The following SLC25A20 variants were observed in gnomAD, a reference collection of about 807,000 sequenced individuals.
The protein encoded by SLC25A20 is solute carrier family 25 member 20.
In SLC25A20, 29 loss-of-function variants were observed where a neutral mutation model predicts 39.7. The ratio of observed to expected loss-of-function variants is 0.73; its 90% CI spans 0.54 to 1.00. The LOEUF is 1.00. SLC25A20 is among the 50% of genes least tolerant of loss of function. SLC25A20 has a pLI of 0.00. For missense variants in SLC25A20, 333 were observed against 379.9 expected (o/e 0.88, Z 1.03); for synonymous variants, 103 against 142.2 (o/e 0.72, Z 1.96).
chr3:48,877,058 TGCACTCC>T (rs1478277526), intron 4 of SLC25A20, among the ~76,000 whole-genome samples: 1 of 151,956 alleles, frequency 6.6e-6, no homozygotes. Context: ...ATCATACCAC[TGCACTCC>T]AGTCTAGGCA....
intron 1 of SLC25A20, among the ~76,000 whole-genome samples, chr3:48,897,368 T>TA (rs376693163): frequency 0.1 from 5,925 of 59,230 alleles, 125 homozygotes; most frequent in African/African-American, 0.12. Context: ...TATATATATA[T>TA]TTTTTTTTTT....
Position 48,857,734 on chromosome 3 carries a change from A to G in SLC25A20, c.882T>C (p.Leu294=). The stretch of plus-strand genomic sequence containing the variant: ...CTCACAAGTTGGGGGTGGCCCAATT[A>G]AGGAACTTCATGGCAACTTCAAAGC... ...FLGFEVAMKF[L]NWATPNL Residue 294 remains leucine (L), a synonymous_variant, in exon 9 of 9, where the codon CTT becomes CTC. Transcript: ENST00000319017. 1 of 1,613,948 alleles carries G rather than the reference A, an allele frequency of 6.2e-7. No individual in the cohort carries two copies. The highest frequency in any genetic ancestry group is 8.5e-7 in the Non-Finnish European group (1 of 1,179,978).
intron 1 of SLC25A20, among the ~76,000 whole-genome samples, chr3:48,896,283 C>T (rs902475185): frequency 3.3e-5 from 5 of 151,918 alleles, no homozygotes; most frequent in African/African-American, 1.2e-4. Context: ...GATCCTCCAG[C>T]CTCAGCCGCC....
chr3:48,881,933 G>T (rs1373541791), intron 3 of SLC25A20, among the ~76,000 whole-genome samples: 3 of 152,202 alleles, frequency 2.0e-5, no homozygotes, highest in Non-Finnish European at 4.4e-5. Context: ...AAGGATCCCA[G>T]AAATAGAGTT....
At chr3:48,872,425 C>G (rs958139135) in intron 4 of SLC25A20, among the ~76,000 whole-genome samples, 2 of 151,824 alleles carry the variant, frequency 1.3e-5, no homozygotes, top group African/African-American at 4.8e-5. Context: ...CCACCATGCC[C>G]GGCCCCCAGT....
rs769748915 is a variant in SLC25A20, at chr3:48,879,381, C to T, written c.394G>A (p.Glu132Lys). The T allele has an allele frequency of 6.2e-7, 1 of 1,613,436 alleles. No homozygotes were observed. Among genetic ancestry groups the T allele is most frequent in the Non-Finnish European group, 8.5e-7 (1 of 1,179,322 alleles). Reference protein sequence around the residue: ...VFTTGIMTPGERIKCLLQIQA... With the variant: ...VFTTGIMTPGKRIKCLLQIQA... The stretch of plus-strand genomic sequence containing the variant: ...ACCTGTAATAAGCACTTGATCCGTT[C>T]TCCAGGAGTCATGATTCCTGTGGTG... Residue 132 changes from glutamate to lysine, a missense_variant, in exon 4 of 9, where the codon GAA (glutamate) becomes AAA (lysine). Physicochemically the swap from Glu to Lys is moderately conservative, Grantham distance 56 (BLOSUM62 1). Transcript: ENST00000319017.
chr3:48,857,860 G>T, intron 8 of SLC25A20, 88 bp from the exon 9 acceptor site: 1 of 1,223,732 alleles, frequency 8.2e-7, no homozygotes, highest in Non-Finnish European at 1.2e-6. Flanking sequence ...GGCCCTGTCA[G>T]GACCAGAGCC....
At chr3:48,892,149 C>A in intron 1 of SLC25A20, 77 bp from the exon 2 acceptor site, 1 of 1,067,056 alleles carries the variant, frequency 9.4e-7, no homozygotes, top group South Asian at 1.3e-5. Context: ...AACTGTCTGC[C>A]AAACTGAACA....
chr3:48,859,138 C>T lies in SLC25A20; in HGVS notation c.672G>A (p.Trp224Ter). 1 of 1,614,060 alleles carries T rather than the reference C, an allele frequency of 6.2e-7. No individual in the cohort carries two copies. The highest frequency in any genetic ancestry group is 8.5e-7 in the Non-Finnish European group (1 of 1,180,008). ...GCACATCTGGGGGGATTGCCACAGCCCAGTTGAAGATCCCTGCAATGCCCC... is the reference window on the plus strand; with the variant it reads ...GCACATCTGGGGGGATTGCCACAGCTCAGTTGAAGATCCCTGCAATGCCCC... ...VAGGIAGIFN[W>*]AVAIPPDVLK... is the part of the protein sequence containing the mutation. Residue 224 changes from tryptophan to a stop codon, truncating the protein, a stop_gained, in exon 7 of 9, where the codon TGG (tryptophan) becomes TGA (stop). Coordinates refer to ENST00000319017, the MANE Select transcript of SLC25A20 (RefSeq NM_000387.6). LOFTEE classifies it high-confidence loss of function.
chr3:48,877,639 G>T (rs2083768512), intron 4 of SLC25A20, among the ~76,000 whole-genome samples: 1 of 151,608 alleles, frequency 6.6e-6, no homozygotes, highest in South Asian at 2.1e-4. Context: ...TGAGGCAGGG[G>T]AATAGCTGGA....
intron 2 of SLC25A20, among the ~76,000 whole-genome samples, chr3:48,889,617 T>G (rs1395748674): frequency 6.6e-6 from 1 of 152,102 alleles, no homozygotes; most frequent in African/African-American, 2.4e-5. Context: ...GTTTCACTCT[T>G]GTTGCCCAGG....
At chr3:48,876,037 A>C (rs1477295409) in intron 4 of SLC25A20, among the ~76,000 whole-genome samples, 1 of 151,830 alleles carries the variant, frequency 6.6e-6, no homozygotes, top group Admixed American at 6.6e-5. Flanking sequence ...AGAAATAAAT[A>C]AAAAAAATTT....
At chr3:48,868,892 GC>G (rs745419102) in intron 4 of SLC25A20, among the ~76,000 whole-genome samples, 98 of 152,284 alleles carry the variant, frequency 6.4e-4, no homozygotes, top group Non-Finnish European at 1.2e-3. Flanking sequence ...GCCTTGTGCA[GC>G]CCTGCACCCT....
chr3:48,895,982 A>G (rs1416050399), intron 1 of SLC25A20, among the ~76,000 whole-genome samples: 1 of 151,872 alleles, frequency 6.6e-6, no homozygotes, highest in Non-Finnish European at 1.5e-5. Context: ...TCTACTAAAA[A>G]TACAAAAATT....
chr3:48,859,970 C>T (rs1399214825), intron 5 of SLC25A20, among the ~76,000 whole-genome samples: 1 of 152,028 alleles, frequency 6.6e-6, no homozygotes, highest in Non-Finnish European at 1.5e-5. Context: ...AATTCGAGAC[C>T]AGTCTGGCCA....
At chr3:48,870,989 C>A (rs1255442734) in intron 4 of SLC25A20, among the ~76,000 whole-genome samples, 3 of 151,872 alleles carry the variant, frequency 2.0e-5, no homozygotes, top group Admixed American at 6.6e-5. Context: ...CCATGCACGG[C>A]TAATTTTTGT....
chr3:48,889,927 G>A (rs1465891671), intron 2 of SLC25A20, among the ~76,000 whole-genome samples: 1 of 152,202 alleles, frequency 6.6e-6, no homozygotes, highest in African/African-American at 2.4e-5. Context: ...GGCAAGAGGT[G>A]AGCCCTCTGT....
chr3:48,886,273 C>T, intron 2 of SLC25A20, among the ~76,000 whole-genome samples: 1 of 151,980 alleles, frequency 6.6e-6, no homozygotes, highest in East Asian at 1.9e-4. Context: ...GCCTGTAATC[C>T]CAGCACTTTC....
intron 1 of SLC25A20, among the ~76,000 whole-genome samples, chr3:48,898,189 G>A (rs1168021394): frequency 2.0e-5 from 3 of 152,202 alleles, no homozygotes; most frequent in Non-Finnish European, 4.4e-5. Flanking sequence ...GTGACAGGCC[G>A]AAGAGTGTCA....
Sources: gnomAD v4.1 joint callset for allele counts (sites outside exome capture counted in the v4.1 genomes callset) on GRCh38, gnomAD v4.1.1 for gene constraint, MANE v1.5 for transcripts, NCBI Gene and HGNC (gene_info 2026-07-23, HGNC 2026-07-21) for gene names.